CCDC171: variants seen among roughly 807,000 people sequenced by gnomAD.
CCDC171 encodes the protein coiled-coil domain containing 171, also known as coiled-coil domain-containing protein 171.
Under a neutral mutation model 168.2 loss-of-function variants are expected in CCDC171, and 177 were observed. The observed-to-expected ratio is 1.05, with a 90% CI of 0.93 to 1.19. CCDC171 has a LOEUF of 1.19. CCDC171 is among the 50% of genes most tolerant of loss of function. The pLI is 0.00. For missense variants in CCDC171, 1,991 were observed against 1,539.0 expected (o/e 1.29, Z -4.91); for synonymous variants, 687 against 540.8 (o/e 1.27, Z -3.75).
chr9:15,977,759 T>G (rs1231737634), downstream of CCDC171, among the ~76,000 whole-genome samples: 2 of 152,152 alleles, frequency 1.3e-5, no homozygotes, highest in African/African-American at 4.8e-5. Flanking sequence ...TGAAGAAGAC[T>G]CATCTGACAG....
At chr9:16,062,797 G>A (rs1231888203), downstream of CCDC171, among the ~76,000 whole-genome samples, 17 of 152,168 alleles carry the variant, frequency 1.1e-4, no homozygotes, top group Admixed American at 1.1e-3. Flanking sequence ...TGAGTCTGGG[G>A]GACCCCGGTG....
At chr9:15,769,758 A>G (rs1013866875) in intron 18 of CCDC171, among the ~76,000 whole-genome samples, 4 of 152,194 alleles carry the variant, frequency 2.6e-5, no homozygotes, top group African/African-American at 7.2e-5. Flanking sequence ...TTGTTCATCC[A>G]TCAAAGTGAG....
At chr9:15,840,801 G>T (rs930429363) in intron 21 of CCDC171, among the ~76,000 whole-genome samples, 1 of 151,804 alleles carries the variant, frequency 6.6e-6, no homozygotes, top group Non-Finnish European at 1.5e-5. Context: ...TTTAAAATGT[G>T]TAACTATTTC....
chr9:15,864,498 T>G (rs2061690675), intron 23 of CCDC171, among the ~76,000 whole-genome samples: 1 of 152,038 alleles, frequency 6.6e-6, no homozygotes, highest in Non-Finnish European at 1.5e-5. Context: ...TGTGTGATGT[T>G]CCACTTCTTC....
chr9:15,969,748 C>T (rs1466120318), intron 25 of CCDC171, among the ~76,000 whole-genome samples: 1 of 152,144 alleles, frequency 6.6e-6, no homozygotes, highest in Non-Finnish European at 1.5e-5. Context: ...TCCCCTAACC[C>T]CCAGGCCTGG....
chr9:15,647,668 A>G (rs1291231557), intron 7 of CCDC171, among the ~76,000 whole-genome samples: 1 of 152,208 alleles, frequency 6.6e-6, no homozygotes, highest in East Asian at 1.9e-4. Flanking sequence ...AAATTCCTGG[A>G]CACATACACT....
At chr9:16,078,055 AACACAC>A in the CCDC171 span, among the ~76,000 whole-genome samples, 554 of 143,896 alleles carry the variant, frequency 3.9e-3, 3 homozygotes, top group African/African-American at 6.6e-3. Context: ...CACCCATGCA[AACACAC>A]ACACACACAC....
At chr9:15,725,135 G>C (rs2053717032) in intron 14 of CCDC171, among the ~76,000 whole-genome samples, 159 bp downstream of exon 14, 1 of 152,114 alleles carries the variant, frequency 6.6e-6, no homozygotes, top group African/African-American at 2.4e-5. Context: ...CATTACTCTT[G>C]TGTCATTCTC....
At chr9:15,923,027 G>C (rs530465545) in intron 25 of CCDC171, among the ~76,000 whole-genome samples, 49 of 151,638 alleles carry the variant, frequency 3.2e-4, no homozygotes, top group African/African-American at 1.1e-3. Flanking sequence ...TCACTGTGTT[G>C]ATTGTTTCCT....
chr9:16,058,437 G>T (rs754582582), intron 1 of CCDC171, among the ~76,000 whole-genome samples: 1 of 152,270 alleles, frequency 6.6e-6, no homozygotes, highest in East Asian at 1.9e-4. Flanking sequence ...ATCCTCGCCG[G>T]CGTGCACAAG....
rs1374182319 is a variant in CCDC171 at position 15,973,664 on chromosome 9, T to A, written c.*1828T>A. On this transcript the variant is annotated 3_prime_UTR_variant, in exon 26 of 26. Transcript: ENST00000380701. ...TGAAATTCAACTTGCAAATTTATTA[T>A]AACATGGAAGTGCTATTTATTGTTT... 1 of 152,202 alleles carries A rather than the reference T, an allele frequency of 6.6e-6. No homozygotes were observed. Among genetic ancestry groups the A allele is most frequent in the African/African-American group, 2.4e-5 (1 of 41,460 alleles). The allele number at this position is 152,202 out of a possible 1,614,324, so 9.4% of individuals were successfully genotyped here. A position where few individuals can be genotyped will look rare whatever the true frequency, so the allele number is the denominator to read the frequency against.
chr9:16,001,368 T>C (rs569543358), intron 3 of CCDC171, among the ~76,000 whole-genome samples: 43 of 152,240 alleles, frequency 2.8e-4, no homozygotes, highest in African/African-American at 9.9e-4. Flanking sequence ...CTCTATACTT[T>C]GCCCAAGTAA....
At chr9:15,653,413 A>G (rs893615387) in intron 7 of CCDC171, among the ~76,000 whole-genome samples, 16 of 152,012 alleles carry the variant, frequency 1.1e-4, no homozygotes, top group Middle Eastern at 3.4e-3. Context: ...AAGTGTGGGG[A>G]TTACAAGTGT....
At chr9:15,801,238 C>G (rs1333708206) in intron 21 of CCDC171, among the ~76,000 whole-genome samples, 2 of 151,888 alleles carry the variant, frequency 1.3e-5, no homozygotes, top group African/African-American at 4.8e-5. Context: ...TTCTTTCAAT[C>G]CATGAACATG....
chr9:15,623,174 A>C (rs1014791173), intron 6 of CCDC171, 93 bp from the exon 7 acceptor site: 1 of 821,844 alleles, frequency 1.2e-6, no homozygotes, highest in Non-Finnish European at 1.8e-6. Context: ...TAGTTGAAGC[A>C]CAGATTTAGT....
chr9:16,034,661 T>C (rs1329301540), intron 6 of CCDC171, among the ~76,000 whole-genome samples: 1 of 152,220 alleles, frequency 6.6e-6, no homozygotes, highest in Non-Finnish European at 1.5e-5. Context: ...GGGGCCAGTG[T>C]TCTCACCACT....
intron 11 of CCDC171, among the ~76,000 whole-genome samples, chr9:15,700,160 G>A (rs943215580): frequency 2.6e-5 from 4 of 152,314 alleles, no homozygotes; most frequent in East Asian, 3.9e-4. Flanking sequence ...CAGGCATGGC[G>A]GGCTGCAGGT....
chr9:16,010,138 G>A (rs1444356608), intron 3 of CCDC171, among the ~76,000 whole-genome samples: 1 of 152,116 alleles, frequency 6.6e-6, no homozygotes, highest in Non-Finnish European at 1.5e-5. Context: ...GAAATTGAAT[G>A]TTCTGAAGTC....
At chr9:15,877,688 C>A (rs907626435) in intron 24 of CCDC171, among the ~76,000 whole-genome samples, 2 of 151,918 alleles carry the variant, frequency 1.3e-5, no homozygotes, top group Non-Finnish European at 2.9e-5. Flanking sequence ...TAAAAACACC[C>A]CTATTAGACC....
Sources: gnomAD v4.1 joint callset for allele counts (sites outside exome capture counted in the v4.1 genomes callset) on GRCh38, gnomAD v4.1.1 for gene constraint, MANE v1.5 for transcripts, NCBI Gene and HGNC (gene_info 2026-07-23, HGNC 2026-07-21) for gene names.